The following TMED3 variants were observed in gnomAD, a reference collection of about 807,000 sequenced individuals.
TMED3 encodes transmembrane p24 trafficking protein 3.
A neutral mutation model predicts 15.0 loss-of-function variants in TMED3; 9 were observed. The ratio of observed to expected loss-of-function variants is 0.60; its 90% CI spans 0.36 to 1.04. The LOEUF is 1.04. Among genes scored for constraint, TMED3 ranks in the 50% least tolerant of loss-of-function variants. The pLI, the probability that TMED3 is intolerant of heterozygous loss-of-function variation, is 0.01. For missense variants in TMED3, 267 were observed against 278.9 expected (o/e 0.96, Z 0.30); for synonymous variants, 117 against 121.4 (o/e 0.96, Z 0.24).
intron 2 of TMED3, among the ~76,000 whole-genome samples, chr15:79,364,249 C>G (rs1396193659): frequency 2.0e-5 from 3 of 152,130 alleles, no homozygotes; most frequent in Non-Finnish European, 2.9e-5. Flanking sequence ...ACCCCCATTC[C>G]CCCAGTGTGC....
At chr15:79,400,965 A>C (rs1306775828) in intron 2 of TMED3, among the ~76,000 whole-genome samples, 3 of 152,204 alleles carry the variant, frequency 2.0e-5, no homozygotes, top group African/African-American at 7.2e-5. Context: ...TAGACCAGGA[A>C]CTGGGTCTCA....
chr15:79,354,976 A>G (rs1159046908), intron 2 of TMED3, among the ~76,000 whole-genome samples: 1 of 152,210 alleles, frequency 6.6e-6, no homozygotes, highest in East Asian at 1.9e-4. Flanking sequence ...AGCAAAGGCC[A>G]GGACGAATCA....
chr15:79,319,251 A>G (rs2058754060), intron 2 of TMED3, among the ~76,000 whole-genome samples: 1 of 152,206 alleles, frequency 6.6e-6, no homozygotes, highest in African/African-American at 2.4e-5. Context: ...AGGGCCAGCC[A>G]CTGTGTGCAG....
chr15:79,329,498 C>T (rs901841361), intron 2 of TMED3, among the ~76,000 whole-genome samples: 1 of 152,210 alleles, frequency 6.6e-6, no homozygotes, highest in Non-Finnish European at 1.5e-5. Flanking sequence ...GGCTCAGAGC[C>T]ACTATTGTTT....
chr15:79,390,600 A>G (rs907081971), intron 2 of TMED3, among the ~76,000 whole-genome samples: 1 of 152,116 alleles, frequency 6.6e-6, no homozygotes, highest in African/African-American at 2.4e-5. Flanking sequence ...ATACGGCTCC[A>G]TAGAATGAAT....
chr15:79,342,612 G>T (rs766049182), intron 2 of TMED3, among the ~76,000 whole-genome samples: 1 of 152,072 alleles, frequency 6.6e-6, no homozygotes, highest in African/African-American at 2.4e-5. Flanking sequence ...TTGTTGCATG[G>T]TAAAGCATGC....
intron 2 of TMED3, among the ~76,000 whole-genome samples, chr15:79,331,316 T>C (rs974480187): frequency 5.9e-5 from 9 of 152,136 alleles, no homozygotes; most frequent in Non-Finnish European, 1.3e-4. Flanking sequence ...GGGAGGACAG[T>C]CTTTTCAATA....
At chr15:79,317,916 T>C (rs1330025767) in intron 2 of TMED3, among the ~76,000 whole-genome samples, 1 of 152,248 alleles carries the variant, frequency 6.6e-6, no homozygotes. Context: ...AGGCAGATTC[T>C]CGTAAAGTGG....
intron 2 of TMED3, among the ~76,000 whole-genome samples, chr15:79,356,008 A>C (rs1038239006): frequency 6.6e-6 from 1 of 152,216 alleles, no homozygotes; most frequent in African/African-American, 2.4e-5. Flanking sequence ...TGTCAGCAAC[A>C]TAACAGTCTT....
intron 2 of TMED3, among the ~76,000 whole-genome samples, chr15:79,358,067 C>T (rs777489949): frequency 2.7e-4 from 41 of 152,292 alleles, no homozygotes; most frequent in African/African-American, 7.0e-4. Flanking sequence ...TTGACCCTAA[C>T]GGGATGGGCC....
chr15:79,410,122 A>G (rs181481076), intron 2 of TMED3, among the ~76,000 whole-genome samples: 103 of 152,306 alleles, frequency 6.8e-4, no homozygotes, highest in Middle Eastern at 3.4e-3. Context: ...AAAATGAAAA[A>G]TAAGTTCATA....
At chr15:79,360,853 A>T (rs1316474498) in intron 2 of TMED3, among the ~76,000 whole-genome samples, 1 of 152,056 alleles carries the variant, frequency 6.6e-6, no homozygotes, top group African/African-American at 2.4e-5. Context: ...TATTTTTTTA[A>T]TTTTTATATT....
intron 2 of TMED3, among the ~76,000 whole-genome samples, chr15:79,321,449 T>G (rs1403580748): frequency 2.0e-5 from 3 of 152,248 alleles, no homozygotes; most frequent in Non-Finnish European, 4.4e-5. Context: ...GAAGCGTGTG[T>G]CTTCATGTGT....
chr15:79,378,022 C>G, intron 2 of TMED3, among the ~76,000 whole-genome samples: 2 of 152,324 alleles, frequency 1.3e-5, no homozygotes, highest in Non-Finnish European at 2.9e-5. Context: ...CACATCCCTT[C>G]CAATACATAA....
chr15:79,355,398 G>T (rs986961937), intron 2 of TMED3, among the ~76,000 whole-genome samples: 4 of 152,126 alleles, frequency 2.6e-5, no homozygotes, highest in Non-Finnish European at 5.9e-5. Context: ...TTAGGTGGCT[G>T]GGCTGATTGG....
At chr15:79,335,256 C>T (rs1429155285) in intron 2 of TMED3, among the ~76,000 whole-genome samples, 1 of 152,138 alleles carries the variant, frequency 6.6e-6, no homozygotes, top group South Asian at 2.1e-4. Flanking sequence ...AAATGATTAA[C>T]ACAGACAGAT....
downstream of TMED3, among the ~76,000 whole-genome samples, chr15:79,324,013 C>G (rs544786283): frequency 1.3e-3 from 200 of 152,100 alleles, no homozygotes; most frequent in Non-Finnish European, 2.3e-3. Context: ...TCTTTTGAGA[C>G]AGAGTCTCAC....
intron 2 of TMED3, chr15:79,382,959 T>C (rs9302288): frequency 0.13 from 201,228 of 1,534,894 alleles, 14,348 homozygotes; most frequent in African/African-American, 0.25. Flanking sequence ...GATTTATTTC[T>C]TTTCCAAGGG....
intron 2 of TMED3, among the ~76,000 whole-genome samples, chr15:79,405,864 G>A (rs1274961961): frequency 2.0e-5 from 3 of 152,216 alleles, no homozygotes; most frequent in Non-Finnish European, 2.9e-5. Flanking sequence ...GGCAGTCGAT[G>A]TGTACTCCTG....
Sources: allele counts gnomAD v4.1 joint callset (sites outside exome capture counted in the v4.1 genomes callset), GRCh38; gene constraint gnomAD v4.1.1; transcripts MANE v1.5; gene names NCBI Gene and HGNC (gene_info 2026-07-23, HGNC 2026-07-21).